The following PAX9 variants were observed in gnomAD, a reference collection of about 807,000 sequenced individuals.
PAX9 encodes paired box 9, also known as paired box protein Pax-9.
In PAX9, 6 loss-of-function variants were observed where a neutral mutation model predicts 29.1. The ratio of observed to expected loss-of-function variants is 0.21; its 90% CI spans 0.11 to 0.41. PAX9 has a LOEUF of 0.41. PAX9 is among the 10% of genes least tolerant of loss of function. The probability of loss-of-function intolerance (pLI) is 1.00; values close to 1 mark genes in which losing one functional copy is unlikely to be tolerated. For missense variants in PAX9, 443 were observed against 479.1 expected (o/e 0.92, Z 0.70); for synonymous variants, 217 against 211.7 (o/e 1.03, Z -0.22).
Position 36,678,135 on chromosome 14 carries a change from C to T in PAX9, c.*1683C>T. On this transcript the variant is annotated 3_prime_UTR_variant, in exon 4 of 4. Transcript: ENST00000361487. ...TTCCCTAGGTGATTTTAATTTCTTC[C>T]GGTCTGTGCTGTGCACAGTCTACAT... 4.2e-6 allele frequency: 1 copy of T among 238,508 alleles called. No homozygotes were observed. Among genetic ancestry groups the T allele is most frequent in the Non-Finnish European group, 8.1e-6 (1 of 123,568 alleles). The allele number at this position is 238,508 out of a possible 1,614,324, so 14.8% of individuals were successfully genotyped here.
Position 36,676,621 on chromosome 14 carries a change from C to A in PAX9, c.*169C>A. On this transcript the variant is annotated 3_prime_UTR_variant, in exon 4 of 4. Transcript: ENST00000361487. ...GCTAATGACACTTACATATTTCTTG[C>A]CATAACTTTTCTCTTGCAGAAAAAC... 1.3e-6 allele frequency: 1 copy of A among 758,546 alleles called. No homozygotes were observed. Among genetic ancestry groups the A allele is most frequent in the Admixed American group, 2.3e-5 (1 of 43,292 alleles). The allele number at this position is 758,546 out of a possible 1,614,324, so 47.0% of individuals were successfully genotyped here.
upstream of PAX9, among the ~76,000 whole-genome samples, chr14:36,658,379 G>A (rs912111906): frequency 1.3e-5 from 2 of 151,860 alleles, no homozygotes; most frequent in Non-Finnish European, 2.9e-5. Context: ...CGCTTGGGGG[G>A]GGGGGGTCCT....
upstream of PAX9, among the ~76,000 whole-genome samples, chr14:36,659,018 A>G (rs186794712): frequency 3.3e-5 from 5 of 152,224 alleles, no homozygotes; most frequent in East Asian, 9.7e-4. Flanking sequence ...TCTCCCACTG[A>G]GTAAATATTT....
rs1331684337 is a variant in PAX9, at chr14:36,679,019, C to A, written c.*2567C>A. 6.0e-5 allele frequency: 54 copies of A among 894,634 alleles called. No homozygotes were observed. The South Asian group carries it at 2.7e-3, about 44-fold the overall frequency. 55.4% of individuals were successfully genotyped at this position (894,634 alleles called of 1,614,324 possible). A position where few individuals can be genotyped will look rare whatever the true frequency, so the allele number is the denominator to read the frequency against. On this transcript the variant is annotated 3_prime_UTR_variant, in exon 4 of 4. Transcript: ENST00000361487. ...AGATGGTAAAAGTGTTGCTTTTAAACTGGCAAATGCACTCTTCAGAAATCC... is the reference window on the plus strand; with the variant it reads ...AGATGGTAAAAGTGTTGCTTTTAAAATGGCAAATGCACTCTTCAGAAATCC...
At chr14:36,662,351 G>A (rs1003097089) in intron 1 of PAX9, among the ~76,000 whole-genome samples, 1 of 152,140 alleles carries the variant, frequency 6.6e-6, no homozygotes, top group Non-Finnish European at 1.5e-5. Context: ...TGGCATCAGC[G>A]AGCCCCTCAG....
upstream of PAX9, chr14:36,661,729 A>T (rs1373075562): frequency 7.8e-6 from 3 of 384,566 alleles, no homozygotes; most frequent in African/African-American, 2.1e-5. Context: ...TGAAAGAGAC[A>T]GCGGAAGGAG....
chr14:36,663,416 C>G lies in PAX9; in HGVS notation c.524C>G (p.Thr175Arg). The change falls in exon 2 of 4, where the codon ACG (threonine) becomes AGG (arginine). Residue 175 changes from threonine (T) to arginine (R), a missense_variant. Physicochemically the swap from Thr to Arg is moderately conservative, Grantham distance 71. Transcript: ENST00000361487. ...ACGGCGGCGGCCGCCAAGGTGCCCA[C>G]GCCACCCGGGGTGCCTGCCATCCCC... ...PITAAAAKVP[T>R]PPGVPAIPGS... 2 of 1,613,136 alleles carry G rather than the reference C, an allele frequency of 1.2e-6. No homozygotes were observed. Among genetic ancestry groups the G allele is most frequent in the South Asian group, 2.2e-5 (2 of 91,064 alleles).
intron 2 of PAX9, among the ~76,000 whole-genome samples, chr14:36,665,487 C>T (rs1005918091): frequency 4.6e-5 from 7 of 152,162 alleles, no homozygotes; most frequent in Admixed American, 2.0e-4. Flanking sequence ...GACAAACATA[C>T]ATTGTTTGTA....
chr14:36,669,206 A>T (rs896561304), intron 3 of PAX9, among the ~76,000 whole-genome samples: 9 of 152,220 alleles, frequency 5.9e-5, no homozygotes, highest in African/African-American at 2.2e-4. Flanking sequence ...TGAACTTTAG[A>T]CATTGATTTC....
At chr14:36,671,567 C>A (rs991115286) in intron 3 of PAX9, among the ~76,000 whole-genome samples, 9 of 151,324 alleles carry the variant, frequency 5.9e-5, no homozygotes. Flanking sequence ...CAAACCTATA[C>A]TAACTTAAAT....
At position 36,661,999 on chromosome 14, in the gene PAX9, G is replaced by A. The variant is rs1451270254; in HGVS notation, c.-91G>A. The A allele has an allele frequency of 3.3e-6, 5 of 1,522,482 alleles. No homozygotes were observed. Among genetic ancestry groups the A allele is most frequent in the Non-Finnish European group, 2.7e-6 (3 of 1,122,070 alleles). 94.3% of individuals were successfully genotyped at this position (1,522,482 alleles called of 1,614,324 possible). A position where few individuals can be genotyped will look rare whatever the true frequency, so the allele number is the denominator to read the frequency against. On this transcript the variant is annotated 5_prime_UTR_variant, in exon 1 of 4. Transcript: ENST00000361487. ...AAGCGGAGGCGCCGGCGGTCGGCCG[G>A]GATAGCAACAGGCCGGGCCACTGAG...
At position 36,663,261 on chromosome 14, in the gene PAX9, C is replaced by T. The variant is rs1295213048; in HGVS notation, c.369C>T (p.Ile123=). The change falls in exon 2 of 4, where the codon ATC becomes ATT. Residue 123 remains isoleucine (I), a synonymous_variant. Coordinates refer to ENST00000361487, the MANE Select transcript of PAX9 (RefSeq NM_001372076.1). Reference sequence around the variant, plus strand: ...ACAATGTGCCCTCCGTGAGCTCCATCAGCCGCATTCTGCGCAACAAGATCG... The same window carrying T: ...ACAATGTGCCCTCCGTGAGCTCCATTAGCCGCATTCTGCGCAACAAGATCG... The part of the protein sequence containing the change: ...DKYNVPSVSS[I]SRILRNKIGN... 6.2e-7 allele frequency: 1 copy of T among 1,614,196 alleles called. No homozygotes were observed. Among genetic ancestry groups the T allele is most frequent in the African/African-American group, 1.3e-5 (1 of 75,082 alleles).
chr14:36,666,615 G>A lies in PAX9; in HGVS notation c.771+14G>A. ...AAGTACGGTCAGGTGAGGAGGCGAGGGTCAGGCCAGGTGGGCCGCGTGGCG... is the reference window on the plus strand; with the variant it reads ...AAGTACGGTCAGGTGAGGAGGCGAGAGTCAGGCCAGGTGGGCCGCGTGGCG... On this transcript the variant is annotated intron_variant, in intron 3 of 3. Coordinates refer to ENST00000361487, the MANE Select transcript of PAX9 (RefSeq NM_001372076.1). 6.4e-7 allele frequency: 1 copy of A among 1,558,408 alleles called. No homozygotes were observed. The highest frequency in any genetic ancestry group is 8.7e-7 in the Non-Finnish European group (1 of 1,150,772).
At chr14:36,659,549 C>T (rs913615213), upstream of PAX9, among the ~76,000 whole-genome samples, 1 of 152,222 alleles carries the variant, frequency 6.6e-6, no homozygotes, top group Non-Finnish European at 1.5e-5. Context: ...TCTTCCTGCG[C>T]TCTTGAGAAT....
At chr14:36,663,621 C>T in intron 2 of PAX9, 98 bp downstream of exon 2, 1 of 1,479,610 alleles carries the variant, frequency 6.8e-7, no homozygotes. Context: ...CTGTCTTTCC[C>T]ACCACCTGAG....
At chr14:36,659,600 G>A (rs931804173), upstream of PAX9, among the ~76,000 whole-genome samples, 1 of 152,224 alleles carries the variant, frequency 6.6e-6, no homozygotes, top group African/African-American at 2.4e-5. Flanking sequence ...GCATGAGTGG[G>A]GCCTGCGGGG....
intron 3 of PAX9, among the ~76,000 whole-genome samples, chr14:36,668,783 A>G (rs952537538): frequency 6.6e-6 from 1 of 152,206 alleles, no homozygotes. Flanking sequence ...AAACTGACAA[A>G]TTATTTAAAA....
upstream of PAX9, among the ~76,000 whole-genome samples, chr14:36,658,375 G>C (rs973424864): frequency 7.5e-5 from 10 of 133,828 alleles, 1 homozygote; most frequent in South Asian, 2.2e-4. Flanking sequence ...GCCTCGCTTG[G>C]GGGGGGGGGG....
chr14:36,672,852 C>CTTTTTTTTTT (rs3061562), intron 3 of PAX9, among the ~76,000 whole-genome samples: 407 of 19,168 alleles, frequency 0.021, 139 homozygotes, highest in East Asian at 0.034. Flanking sequence ...TTCTTTCTTC[C>CTTTTTTTTTT]TTTTTTTTTT....
Sources: allele counts gnomAD v4.1 joint callset (sites outside exome capture counted in the v4.1 genomes callset), GRCh38; gene constraint gnomAD v4.1.1; transcripts MANE v1.5; gene names NCBI Gene and HGNC (gene_info 2026-07-23, HGNC 2026-07-21).